Variants in TSPAN11 observed in about 807,000 individuals in gnomAD.
TSPAN11 encodes tetraspanin-11.
Under a neutral mutation model 32.9 loss-of-function variants are expected in TSPAN11, and 29 were observed. That is an observed-to-expected ratio of 0.88 (90% CI 0.66 to 1.20). The LOEUF (loss-of-function observed/expected upper bound fraction) is 1.20, where lower values mean the gene tolerates loss of function less well. Ranked by LOEUF, TSPAN11 falls within the 50% of genes most tolerant of loss-of-function variation. The pLI is 0.00. For synonymous variants in TSPAN11, 140 were observed against 141.3 expected, an observed-to-expected ratio of 0.99 and a Z score of 0.07; for missense variants, 283 against 329.1, an observed-to-expected ratio of 0.86 and a Z score of 1.08.
intron 2 of TSPAN11, chr12:30,955,026 G>A (rs1405567884): frequency 6.6e-6 from 1 of 152,194 alleles, no homozygotes; most frequent in African/African-American, 2.4e-5. Context: ...ATGCAGAAGT[G>A]GGGGACATGT....
chr12:30,971,055 C>T (rs570001435), intron 3 of TSPAN11, among the ~76,000 whole-genome samples: 1 of 152,258 alleles, frequency 6.6e-6, no homozygotes, highest in Admixed American at 6.5e-5. Flanking sequence ...GGGCTGGGCT[C>T]TCCTCCCTGC....
intron 7 of TSPAN11, among the ~76,000 whole-genome samples, chr12:30,985,031 G>T (rs1939173681): frequency 6.6e-6 from 1 of 152,150 alleles, no homozygotes; most frequent in South Asian, 2.1e-4. Context: ...GGCCTTGGCT[G>T]GCTTGGAGAT....
chr12:31,011,182 T>A, the TSPAN11 span, among the ~76,000 whole-genome samples: 125 of 152,132 alleles, frequency 8.2e-4, 1 homozygote, highest in African/African-American at 2.9e-3. Flanking sequence ...TCACCTGAGG[T>A]CAGGAGTTTG....
rs1246077452 is a variant in TSPAN11, at chr12:30,975,398, G to A, written c.277-3163G>A. ...CAGCACCTGTGCCCACCAGCACCCG[G>A]CCTCAGTCCCCTTGAAGCCCCAGGC... On this transcript the variant is annotated intron_variant, in intron 3 of 7. Coordinates refer to ENST00000546076, the MANE Select transcript of TSPAN11 (RefSeq NM_001370302.1). The surrounding 1 kb of genome is among the most constrained non-coding windows in gnomAD (Gnocchi z 4.5). 6.6e-6 allele frequency among the ~76,000 whole-genome samples: 1 copy of A among 152,058 alleles called. No homozygotes were observed. The highest frequency in any genetic ancestry group is 1.5e-5 in the Non-Finnish European group (1 of 68,004).
intron 2 of TSPAN11, among the ~76,000 whole-genome samples, chr12:30,960,969 G>A (rs1250471413): frequency 6.6e-6 from 1 of 151,284 alleles, no homozygotes; most frequent in Non-Finnish European, 1.5e-5. Context: ...AACCTGGGAG[G>A]TGGAGGTTGC....
At chr12:30,947,481 C>CT (rs1402547401) in intron 1 of TSPAN11, among the ~76,000 whole-genome samples, 1 of 152,134 alleles carries the variant, frequency 6.6e-6, no homozygotes, top group Non-Finnish European at 1.5e-5. Context: ...TTTAATTGGA[C>CT]TTACAGTTCC....
At chr12:30,932,702 G>A (rs981187716) in intron 1 of TSPAN11, among the ~76,000 whole-genome samples, 2 of 152,192 alleles carry the variant, frequency 1.3e-5, no homozygotes, top group Non-Finnish European at 2.9e-5. Flanking sequence ...GCAGCACATA[G>A]ATGGTAAAAA....
At chr12:30,932,138 G>T (rs753639207) in intron 1 of TSPAN11, among the ~76,000 whole-genome samples, 10 of 151,590 alleles carry the variant, frequency 6.6e-5, no homozygotes, top group Non-Finnish European at 1.3e-4. Context: ...TCAAAATGCA[G>T]GAAAAGATAC....
chr12:31,004,246 C>T, the TSPAN11 span, among the ~76,000 whole-genome samples: 7 of 152,180 alleles, frequency 4.6e-5, 1 homozygote, highest in Non-Finnish European at 8.8e-5. Flanking sequence ...TGCATCCTGC[C>T]ATTGAATACC....
At chr12:30,946,157 G>A (rs1938262947) in intron 1 of TSPAN11, among the ~76,000 whole-genome samples, 1 of 152,184 alleles carries the variant, frequency 6.6e-6, no homozygotes, top group Admixed American at 6.5e-5. Context: ...GCATCTGGGA[G>A]CAGTGGCCAG....
intron 4 of TSPAN11, 59 bp downstream of exon 4, chr12:30,978,694 T>G (rs1429888936): frequency 6.4e-7 from 1 of 1,574,340 alleles, no homozygotes; most frequent in Admixed American, 1.7e-5. Flanking sequence ...GCAATGTGGG[T>G]AGGGAGGTTT....
chr12:30,979,524 G>A, intron 4 of TSPAN11, 42 bp from the exon 5 acceptor site: 1 of 1,597,402 alleles, frequency 6.3e-7, no homozygotes, highest in Non-Finnish European at 8.6e-7. Flanking sequence ...GCAGGGGTGG[G>A]GCTGGTCCCG....
At chr12:30,927,586 G>A (rs979733872) in intron 1 of TSPAN11, among the ~76,000 whole-genome samples, 1 of 152,060 alleles carries the variant, frequency 6.6e-6, no homozygotes, top group African/African-American at 2.4e-5. Context: ...AGGTGAGCGT[G>A]GGGGTGGGGG....
the TSPAN11 span, among the ~76,000 whole-genome samples, chr12:31,009,360 C>T: frequency 6.6e-6 from 1 of 152,236 alleles, no homozygotes; most frequent in South Asian, 2.1e-4. Context: ...TTAGAGCATT[C>T]TCCCACCCTG....
chr12:30,962,966 G>C (rs2140292237), intron 2 of TSPAN11, among the ~76,000 whole-genome samples: 1 of 152,270 alleles, frequency 6.6e-6, no homozygotes, highest in East Asian at 1.9e-4. Flanking sequence ...AGAGTTACTT[G>C]GCTTCATTGC....
At chr12:30,952,336 G>C (rs4930946) in intron 1 of TSPAN11, among the ~76,000 whole-genome samples, 1 of 152,032 alleles carries the variant, frequency 6.6e-6, no homozygotes. Flanking sequence ...CCGTGAAATC[G>C]CTCCCATTAG....
chr12:30,977,290 C>G (rs562410903), intron 3 of TSPAN11, among the ~76,000 whole-genome samples: 1 of 151,888 alleles, frequency 6.6e-6, no homozygotes, highest in Non-Finnish European at 1.5e-5. Flanking sequence ...GCACCGCCCC[C>G]GCTCCGCCGC....
At chr12:30,991,543 G>A (rs749421655) in intron 7 of TSPAN11, among the ~76,000 whole-genome samples, 46 of 152,148 alleles carry the variant, frequency 3.0e-4, no homozygotes, top group Admixed American at 2.3e-3. Flanking sequence ...CTCTCAGGCC[G>A]CCACTAGGCC....
At chr12:30,969,264 G>A (rs1299905163) in intron 3 of TSPAN11, among the ~76,000 whole-genome samples, 1 of 152,210 alleles carries the variant, frequency 6.6e-6, no homozygotes, top group Non-Finnish European at 1.5e-5. Flanking sequence ...AAACTGGACT[G>A]TGTCCTCCCT....
Sources: gnomAD v4.1 joint callset for allele counts (sites outside exome capture counted in the v4.1 genomes callset) on GRCh38, gnomAD v4.1.1 for gene constraint, Gnocchi (gnomAD v3.1) non-coding constraint, MANE v1.5 for transcripts, NCBI Gene and HGNC (gene_info 2026-07-23, HGNC 2026-07-21) for gene names.